The following KMT5B variants were observed in gnomAD, a reference collection of about 807,000 sequenced individuals.
KMT5B encodes the protein lysine methyltransferase 5B.
Under a neutral mutation model 83.2 loss-of-function variants are expected in KMT5B, and 10 were observed. The ratio of observed to expected loss-of-function variants is 0.12; its 90% CI spans 0.07 to 0.20. The LOEUF (loss-of-function observed/expected upper bound fraction) is 0.20. Among genes scored for constraint, KMT5B ranks in the 10% least tolerant of loss-of-function variants. The pLI, the probability that KMT5B is intolerant of heterozygous loss-of-function variation, is 1.00. For missense variants in KMT5B, 753 were observed against 1,067.2 expected (o/e 0.71, Z 4.10); for synonymous variants, 349 against 388.8 (o/e 0.90, Z 1.20).
intron 9 of KMT5B, among the ~76,000 whole-genome samples, chr11:68,169,065 TCAAA>T (rs902898220): frequency 4.6e-5 from 7 of 152,220 alleles, no homozygotes; most frequent in East Asian, 1.9e-4. Flanking sequence ...ATCAAACTGC[TCAAA>T]CAGTCTGACA....
chr11:68,200,591 C>G (rs528047280), intron 1 of KMT5B, among the ~76,000 whole-genome samples: 1 of 152,194 alleles, frequency 6.6e-6, no homozygotes, highest in East Asian at 1.9e-4. Context: ...CCAGAAAAGA[C>G]AAATGTAAGT....
chr11:68,166,405 G>A, intron 10 of KMT5B: 1 of 1,017,062 alleles, frequency 9.8e-7, no homozygotes, highest in Non-Finnish European at 1.2e-6. Context: ...CCTACTTTCT[G>A]GAGTAGCCAA....
At chr11:68,195,666 C>T (rs1307826428) in intron 1 of KMT5B, among the ~76,000 whole-genome samples, 1 of 152,192 alleles carries the variant, frequency 6.6e-6, no homozygotes, top group Non-Finnish European at 1.5e-5. Context: ...AAAATTATAG[C>T]TCAGCATTCA....
intron 2 of KMT5B, among the ~76,000 whole-genome samples, chr11:68,187,826 G>C (rs1285327646): frequency 6.6e-6 from 1 of 152,112 alleles, no homozygotes; most frequent in Non-Finnish European, 1.5e-5. Flanking sequence ...TGCTGGGAAA[G>C]TCACTGATTG....
intron 9 of KMT5B, among the ~76,000 whole-genome samples, chr11:68,167,746 C>CA (rs539674766): frequency 7.3e-4 from 111 of 152,308 alleles, no homozygotes; most frequent in African/African-American, 2.6e-3. Flanking sequence ...GCGTGAGCCA[C>CA]AAAGTCCAGC....
Position 68,157,585 on chromosome 11 carries a change from G to A in KMT5B, c.*103C>T. ...TACAATAGTATGCTGATAAGTGAAGGGACAATAGAAGTGCTGCCACTAAAC... is the reference window on the plus strand; with the variant it reads ...TACAATAGTATGCTGATAAGTGAAGAGACAATAGAAGTGCTGCCACTAAAC... On this transcript the variant is annotated 3_prime_UTR_variant, in exon 11 of 11. Transcript: ENST00000304363. The A allele has an allele frequency of 6.9e-7, 1 of 1,454,990 alleles. No individual in the cohort carries two copies. Among genetic ancestry groups the A allele is most frequent in the Admixed American group, 2.5e-5 (1 of 39,496 alleles). The allele number at this position is 1,454,990 out of a possible 1,614,324, so 90.1% of individuals were successfully genotyped here.
chr11:68,181,074 T>C (rs1398498746), intron 3 of KMT5B, among the ~76,000 whole-genome samples: 1 of 114,666 alleles, frequency 8.7e-6, no homozygotes, highest in Non-Finnish European at 1.8e-5. Flanking sequence ...CTTTCTTTTT[T>C]CTTTTTTTTT....
At chr11:68,168,891 T>C (rs1201870313) in intron 9 of KMT5B, among the ~76,000 whole-genome samples, 1 of 152,192 alleles carries the variant, frequency 6.6e-6, no homozygotes, top group East Asian at 1.9e-4. Flanking sequence ...GTGCTGGTCT[T>C]GTTTATCCTG....
At chr11:68,209,377 G>A (rs1239967780) in intron 1 of KMT5B, among the ~76,000 whole-genome samples, 1 of 152,148 alleles carries the variant, frequency 6.6e-6, no homozygotes. Flanking sequence ...AAAATCAGTC[G>A]TTGAGTCAGG....
intron 3 of KMT5B, among the ~76,000 whole-genome samples, chr11:68,181,946 T>G (rs940429563): frequency 6.6e-6 from 1 of 152,242 alleles, no homozygotes; most frequent in Non-Finnish European, 1.5e-5. Context: ...GAACCCAGGC[T>G]GCTCTAACCA....
At chr11:68,190,173 AAAAC>A in intron 1 of KMT5B, 21 bp from the exon 2 acceptor site, 2 of 1,088,544 alleles carry the variant, frequency 1.8e-6, no homozygotes, top group Non-Finnish European at 2.7e-6. Flanking sequence ...CAAAATATGA[AAAAC>A]AAAACAAAAT....
intron 1 of KMT5B, among the ~76,000 whole-genome samples, chr11:68,198,040 C>A (rs916238226): frequency 6.6e-6 from 1 of 152,158 alleles, no homozygotes; most frequent in Non-Finnish European, 1.5e-5. Context: ...TAAGACCACA[C>A]GTTTACACAT....
intron 10 of KMT5B, among the ~76,000 whole-genome samples, chr11:68,165,143 TA>T (rs1855199575): frequency 6.6e-6 from 1 of 152,166 alleles, no homozygotes; most frequent in Admixed American, 6.5e-5. Flanking sequence ...CCATTCAACA[TA>T]GGCAACTCTG....
intron 3 of KMT5B, among the ~76,000 whole-genome samples, chr11:68,183,930 G>T (rs1230613776): frequency 6.6e-6 from 1 of 152,092 alleles, no homozygotes; most frequent in Non-Finnish European, 1.5e-5. Context: ...AAAGTGCTGA[G>T]ATTACAGGCA....
intron 1 of KMT5B, among the ~76,000 whole-genome samples, chr11:68,202,546 CTTTTT>C (rs71040602): frequency 4.9e-5 from 6 of 121,956 alleles, no homozygotes; most frequent in Middle Eastern, 4.4e-3. Flanking sequence ...CTAAGACACA[CTTTTT>C]TTTTTTTTTT....
At chr11:68,212,959 G>A (rs987475123) in intron 1 of KMT5B, among the ~76,000 whole-genome samples, 179 bp downstream of exon 1, 60 of 141,322 alleles carry the variant, frequency 4.2e-4, no homozygotes, top group African/African-American at 1.5e-3. Context: ...CCCCGCACCG[G>A]CCCGGCCGCA....
At position 68,171,803 on chromosome 11, in the gene KMT5B, CTGAA is replaced by C; in HGVS notation, c.654-98_654-95del. The C allele has an allele frequency of 9.6e-7, 1 of 1,037,302 alleles. No homozygotes were observed. Among genetic ancestry groups the C allele is most frequent in the Non-Finnish European group, 1.4e-6 (1 of 715,308 alleles). The allele number at this position is 1,037,302 out of a possible 1,614,324, so 64.3% of individuals were successfully genotyped here. On this transcript the variant is annotated intron_variant, in intron 6 of 10. Transcript: ENST00000304363. The surrounding 1 kb of genome is among the most constrained non-coding windows in gnomAD (Gnocchi z 5.1). ...TAATCCTGACAATAAATATCAGAAACTGAAAAGGCCTAGCTGTCTATACTTTAGT... is the reference window on the plus strand; with the variant it reads ...TAATCCTGACAATAAATATCAGAAACAAGGCCTAGCTGTCTATACTTTAGT...
chr11:68,208,117 G>A (rs997061207), intron 1 of KMT5B, among the ~76,000 whole-genome samples: 6 of 150,838 alleles, frequency 4.0e-5, no homozygotes, highest in African/African-American at 1.2e-4. Flanking sequence ...GGTTACAGGC[G>A]TGAGCCATCA....
chr11:68,171,495 A>G lies in KMT5B; in HGVS notation c.820+48T>C. On this transcript the variant is annotated intron_variant, in intron 7 of 10. Coordinates refer to ENST00000304363, the MANE Select transcript of KMT5B (RefSeq NM_017635.5). The surrounding 1 kb of genome is among the most constrained non-coding windows in gnomAD (Gnocchi z 5.1). The stretch of plus-strand genomic sequence containing the variant: ...GGTTGACAAGGCCATTCTAGCAGTT[A>G]GCAGGAATGGCCAACACTAGCGCCA... 6.4e-7 allele frequency: 1 copy of G among 1,573,822 alleles called. No homozygotes were observed. The highest frequency in any genetic ancestry group is 1.4e-5 in the African/African-American group (1 of 73,896).
Sources: gnomAD v4.1 joint callset for allele counts (sites outside exome capture counted in the v4.1 genomes callset) on GRCh38, gnomAD v4.1.1 for gene constraint, Gnocchi (gnomAD v3.1) non-coding constraint, MANE v1.5 for transcripts, NCBI Gene and HGNC (gene_info 2026-07-23, HGNC 2026-07-21) for gene names.